Variants in TFRC observed in about 807,000 individuals in gnomAD.
TFRC encodes transferrin receptor protein 1.
Under a neutral mutation model 85.8 loss-of-function variants are expected in TFRC, and 35 were observed. The ratio of observed to expected loss-of-function variants is 0.41; its 90% CI spans 0.31 to 0.54. The LOEUF is 0.54. TFRC is among the 20% of genes least tolerant of loss of function. TFRC has a pLI of 0.31. For synonymous variants in TFRC, 362 were observed against 328.6 expected (o/e 1.10, Z -1.10); for missense variants, 828 against 921.5 (o/e 0.90, Z 1.31).
At chr3:196,069,624 T>C in intron 6 of TFRC, 56 bp from the exon 7 acceptor site, 1 of 1,133,298 alleles carries the variant, frequency 8.8e-7, no homozygotes. Context: ...AGCTCTAAAA[T>C]CTTGAGACAG....
In TFRC at chr3:196,055,087, TCTG is replaced by T; in HGVS notation, c.1889_1891del (p.Ala630del). 1 of 1,614,074 alleles carries T rather than the reference TCTG, an allele frequency of 6.2e-7. No homozygotes were observed. Among genetic ancestry groups the T allele is most frequent in the South Asian group, 1.1e-5 (1 of 91,076 alleles). On this transcript the variant is annotated inframe_deletion, in exon 17 of 19. Coordinates refer to ENST00000360110, the MANE Select transcript of TFRC (RefSeq NM_001128148.3). ...ATTGGAATCAGTGCTCACCTTTATG[TCTG>T]CTCTGTATTGGTTCAGATCCCTCAC...
chr3:196,077,539 G>A (rs1212641166), intron 1 of TFRC, among the ~76,000 whole-genome samples: 1 of 151,674 alleles, frequency 6.6e-6, no homozygotes, highest in Admixed American at 6.6e-5. Flanking sequence ...ATCACCTGAG[G>A]TCAGGAGTTC....
rs547848888 is a variant in TFRC at position 196,060,154 on chromosome 3, A to C, written c.1536+26T>G. Reference sequence around the variant, plus strand: ...TGATTCAACAAAAATTAAGTCATACATTTTTGTAATGAGGTATATACTCAC... The same window carrying C: ...TGATTCAACAAAAATTAAGTCATACCTTTTTGTAATGAGGTATATACTCAC... On this transcript the variant is annotated intron_variant, in intron 14 of 18. Transcript: ENST00000360110. 8.8e-5 allele frequency: 140 copies of C among 1,584,494 alleles called. 1 individual carries two copies. The South Asian group carries it at 1.5e-3, about 17-fold the overall frequency.
chr3:196,058,029 C>T, intron 16 of TFRC: 1 of 284,936 alleles, frequency 3.5e-6, no homozygotes, highest in Non-Finnish European at 6.5e-6. Flanking sequence ...GTGAGAAAAT[C>T]TGCCTAGCAA....
At chr3:196,079,485 A>C (rs1287210725) in intron 1 of TFRC, among the ~76,000 whole-genome samples, 1 of 152,142 alleles carries the variant, frequency 6.6e-6, no homozygotes. Context: ...ATGGTGGCGC[A>C]TGCCTGTAAT....
chr3:196,051,684 T>C lies in TFRC; in HGVS notation c.*258A>G. On this transcript the variant is annotated 3_prime_UTR_variant, in exon 19 of 19. Coordinates refer to ENST00000360110, the MANE Select transcript of TFRC (RefSeq NM_001128148.3). ...AACAACAGGAAAGAGGCAGTTCCCA[T>C]TACAAAGCACTTAAAATTCTAGAGA... is the stretch of plus-strand genomic sequence containing the variant. The C allele has an allele frequency of 8.7e-6, 4 of 458,654 alleles. No individual in the cohort carries two copies. Among genetic ancestry groups the C allele is most frequent in the Middle Eastern group, 6.0e-4 (1 of 1,674 alleles). The allele number at this position is 458,654 out of a possible 1,614,324, so 28.4% of individuals were successfully genotyped here. A position where few individuals can be genotyped will look rare whatever the true frequency, so the allele number is the denominator to read the frequency against.
Position 196,069,577 on chromosome 3 carries a change from A to G in TFRC, c.688-9T>C, listed in dbSNP as rs1718020518. 12 of 1,499,914 alleles carry G rather than the reference A, an allele frequency of 8.0e-6. No homozygotes were observed. The East Asian group carries it at 2.7e-4, about 34-fold the overall frequency. 92.9% of individuals were successfully genotyped at this position (1,499,914 alleles called of 1,614,324 possible). ...GCATGGACCAGTTTACCCTAGAACA[A>G]AGACATTAGATTTAATGAGCATTAT... is the stretch of plus-strand genomic sequence containing the variant. On this transcript the variant is annotated splice_polypyrimidine_tract_variant and intron_variant, in intron 6 of 18. Coordinates refer to ENST00000360110, the MANE Select transcript of TFRC (RefSeq NM_001128148.3).
chr3:196,065,273 AAAAG>A (rs1717620852), intron 10 of TFRC, among the ~76,000 whole-genome samples, 166 bp downstream of exon 10: 1 of 150,118 alleles, frequency 6.7e-6, no homozygotes, highest in South Asian at 2.1e-4. Context: ...AAAAAAAAAA[AAAAG>A]AAACTAACAC....
rs1716172517 is a variant in TFRC at position 196,049,942 on chromosome 3, G to A, written c.*2000C>T. On this transcript the variant is annotated 3_prime_UTR_variant, in exon 19 of 19. Transcript: ENST00000360110. ...AGGAGGCCGTTTCCAACTGCCCTATGACAAACAGCTGATCATCACGTTTAT... is the reference window on the plus strand; with the variant it reads ...AGGAGGCCGTTTCCAACTGCCCTATAACAAACAGCTGATCATCACGTTTAT... The A allele has an allele frequency of 8.6e-6, 2 of 231,536 alleles. No individual in the cohort carries two copies. Among genetic ancestry groups the A allele is most frequent in the East Asian group, 1.2e-4 (2 of 16,386 alleles). 14.3% of individuals were successfully genotyped at this position (231,536 alleles called of 1,614,324 possible). A position where few individuals can be genotyped will look rare whatever the true frequency, so the allele number is the denominator to read the frequency against.
chr3:196,057,117 T>C (rs756625602), intron 16 of TFRC, among the ~76,000 whole-genome samples: 1 of 152,196 alleles, frequency 6.6e-6, no homozygotes, highest in Non-Finnish European at 1.5e-5. Flanking sequence ...ACCCCTCATA[T>C]TGTCTTATGC....
At chr3:196,066,238 T>A (rs1488880281) in intron 9 of TFRC, among the ~76,000 whole-genome samples, 1 of 152,218 alleles carries the variant, frequency 6.6e-6, no homozygotes, top group Admixed American at 6.5e-5. Context: ...ATTAATACAC[T>A]TTTATGTTTC....
At position 196,075,325 on chromosome 3, in the gene TFRC, G is replaced by T. The variant is rs374961824; in HGVS notation, c.72C>A (p.Ser24Arg). ...TATCGCCATCTACTTGCCGAGCCAG[G>T]CTGAACCGGGTATATGACAATGGTT... ...GGEPLSYTRF[S>R]LARQVDGDNS... is the part of the protein sequence containing the mutation. The change falls in exon 3 of 19, where the codon AGC becomes AGA. Residue 24 changes from serine to arginine, a missense_variant. Transcript: ENST00000360110. 2 of 1,613,976 alleles carry T rather than the reference G, an allele frequency of 1.2e-6. No homozygotes were observed. The highest frequency in any genetic ancestry group is 1.7e-5 in the Admixed American group (1 of 59,956).
Position 196,050,112 on chromosome 3 carries a change from T to G in TFRC, c.*1830A>C, listed in dbSNP as rs1716191380. The G allele has an allele frequency of 4.3e-6, 1 of 231,152 alleles. No homozygotes were observed. The highest frequency in any genetic ancestry group is 8.6e-6 in the Non-Finnish European group (1 of 116,686). The allele number at this position is 231,152 out of a possible 1,614,324, so 14.3% of individuals were successfully genotyped here. ...CCTTCTATACAAAGTCCCTCTGCTT[T>G]AAGTCAAAAGGTCAATTCTGGATTA... On this transcript the variant is annotated 3_prime_UTR_variant, in exon 19 of 19. Coordinates refer to ENST00000360110, the MANE Select transcript of TFRC (RefSeq NM_001128148.3).
In TFRC at chr3:196,071,415, C is replaced by T. The variant is rs1421073426; in HGVS notation, c.668G>A (p.Ser223Asn). The change falls in exon 6 of 19, where the codon AGT (serine) becomes AAT (asparagine). Residue 223 changes from serine to asparagine, a missense_variant. Ser to Asn is a conservative substitution (Grantham distance 46, BLOSUM62 1). Transcript: ENST00000360110. The part of the protein sequence containing the change: ...VENPGGYVAY[S>N]KAATVTGKLV... Reference sequence around the variant, plus strand: ...ACTTACAGTAACTGTTGCAGCCTTACTATACGCCACATAACCCCCAGGATT... The same window carrying T: ...ACTTACAGTAACTGTTGCAGCCTTATTATACGCCACATAACCCCCAGGATT... The T allele has an allele frequency of 2.5e-6, 4 of 1,613,942 alleles. No homozygotes were observed. Among genetic ancestry groups the T allele is most frequent in the Non-Finnish European group, 3.4e-6 (4 of 1,179,962 alleles).
chr3:196,049,724 C>T lies in TFRC; in HGVS notation c.*2218G>A, dbSNP rs1716139127. On this transcript the variant is annotated 3_prime_UTR_variant, in exon 19 of 19. Coordinates refer to ENST00000360110, the MANE Select transcript of TFRC (RefSeq NM_001128148.3). The stretch of plus-strand genomic sequence containing the variant: ...ACATGCTTTCATTTAAGTACGTGTG[C>T]GTAACACCCGAACCAGGAATCTCAG... 3 of 229,536 alleles carry T rather than the reference C, an allele frequency of 1.3e-5. No individual in the cohort carries two copies. The highest frequency in any genetic ancestry group is 3.6e-4 in the South Asian group (2 of 5,516). 14.2% of individuals were successfully genotyped at this position (229,536 alleles called of 1,614,324 possible). A position where few individuals can be genotyped will look rare whatever the true frequency, so the allele number is the denominator to read the frequency against.
Position 196,056,970 on chromosome 3 carries a change from C to T in TFRC, c.1677+1314G>A, listed in dbSNP as rs573767693. ...CTGAGTAGCTGGGGTTACAGGCACA[C>T]GCCACTATGTCCGACTAATTTTTGT... On this transcript the variant is annotated intron_variant, in intron 16 of 18. Transcript: ENST00000360110. Among the ~76,000 whole-genome samples the T allele has an allele frequency of 7.9e-5, 12 of 152,256 alleles. 1 individual carries two copies. In the South Asian group the frequency reaches 2.3e-3, roughly 29 times the overall value.
In TFRC at chr3:196,051,849, G is replaced by T. The variant is rs1047782428; in HGVS notation, c.*93C>A. 2 of 1,461,836 alleles carry T rather than the reference G, an allele frequency of 1.4e-6. No individual in the cohort carries two copies. The highest frequency in any genetic ancestry group is 1.4e-5 in the African/African-American group (1 of 70,782). The allele number at this position is 1,461,836 out of a possible 1,614,324, so 90.6% of individuals were successfully genotyped here. Reference sequence around the variant, plus strand: ...ATGATGGGATGGAATTTTAACATCAGGTTTTGTAGCCCTACTGAAAATTTA... The same window carrying T: ...ATGATGGGATGGAATTTTAACATCATGTTTTGTAGCCCTACTGAAAATTTA... On this transcript the variant is annotated 3_prime_UTR_variant, in exon 19 of 19. Transcript: ENST00000360110.
At chr3:196,065,361 G>T in intron 10 of TFRC, 82 bp downstream of exon 10, 1 of 794,126 alleles carries the variant, frequency 1.3e-6, no homozygotes, top group Non-Finnish European at 1.8e-6. Context: ...TCCTACACTC[G>T]CTCCTTCTCT....
At chr3:196,052,693 G>T (rs966858896) in intron 18 of TFRC, among the ~76,000 whole-genome samples, 1 of 151,838 alleles carries the variant, frequency 6.6e-6, no homozygotes, top group African/African-American at 2.4e-5. Flanking sequence ...CGCTTGCCTC[G>T]GCCTCCCAAA....
Sources: allele counts gnomAD v4.1 joint callset (sites outside exome capture counted in the v4.1 genomes callset), GRCh38; gene constraint gnomAD v4.1.1; transcripts MANE v1.5; gene names NCBI Gene and HGNC (gene_info 2026-07-23, HGNC 2026-07-21).